The following MMS19 variants were observed in gnomAD, a reference collection of about 807,000 sequenced individuals.
MMS19 encodes the protein MMS19 nucleotide excision repair protein homolog.
A neutral mutation model predicts 129.8 loss-of-function variants in MMS19; 77 were observed. The ratio of observed to expected loss-of-function variants is 0.59; its 90% CI spans 0.49 to 0.72. The LOEUF is 0.72. MMS19 is among the 30% of genes least tolerant of loss of function. The pLI is 0.00. For synonymous variants in MMS19, 491 were observed against 502.8 expected, an observed-to-expected ratio of 0.98 and a Z score of 0.31; for missense variants, 1,168 against 1,266.3, an observed-to-expected ratio of 0.92 and a Z score of 1.18.
At chr10:97,498,483 G>C, upstream of MMS19, 1 of 1,503,106 alleles carries the variant, frequency 6.7e-7, no homozygotes, top group South Asian at 1.2e-5. Context: ...AAGCGCAAGG[G>C]GGCGGGGCGC....
rs759496784 is a variant in MMS19, at chr10:97,461,509, G to T, written c.2298C>A (p.Asn766Lys). The change falls in exon 23 of 31, where the codon AAC becomes AAA. Residue 766 changes from asparagine to lysine, a missense_variant. Asn to Lys is a moderately conservative substitution (Grantham distance 94). Coordinates refer to ENST00000438925, the MANE Select transcript of MMS19 (RefSeq NM_022362.5). ...AAAKCFAGLL[N>K]KHPAGQQLDE... ...TGATCTCAGTACCTGCAGGGTGCTT[G>T]TTGAGGAGTCCTGCAAAGCACTTGG... 1 of 1,606,728 alleles carries T rather than the reference G, an allele frequency of 6.2e-7. No individual in the cohort carries two copies. The highest frequency in any genetic ancestry group is 1.1e-5 in the South Asian group (1 of 89,374).
chr10:97,474,713 A>T (rs1229348171), intron 8 of MMS19, among the ~76,000 whole-genome samples: 5 of 152,222 alleles, frequency 3.3e-5, no homozygotes, highest in African/African-American at 1.2e-4. Flanking sequence ...GTGCAGAACA[A>T]CATACAAAAA....
intron 11 of MMS19, 41 bp from the exon 12 acceptor site, chr10:97,469,145 A>G: frequency 6.5e-7 from 1 of 1,540,888 alleles, no homozygotes; most frequent in East Asian, 2.4e-5. Context: ...GTGAGCCTGC[A>G]CCAGATGAGA....
chr10:97,458,514 A>G lies in MMS19; in HGVS notation c.*178T>C, dbSNP rs1454525855. On this transcript the variant is annotated 3_prime_UTR_variant, in exon 31 of 31. Transcript: ENST00000438925. The stretch of plus-strand genomic sequence containing the variant: ...TCACACACACTTATTTTACAAATCC[A>G]CTAGAAATATGGACTCTTATGTTCT... 1.6e-6 allele frequency: 1 copy of G among 624,634 alleles called. No homozygotes were observed. The highest frequency in any genetic ancestry group is 3.0e-5 in the Admixed American group (1 of 32,916). The allele number at this position is 624,634 out of a possible 1,614,324, so 38.7% of individuals were successfully genotyped here. A position where few individuals can be genotyped will look rare whatever the true frequency, so the allele number is the denominator to read the frequency against.
At position 97,460,624 on chromosome 10, in the gene MMS19, C is replaced by T; in HGVS notation, c.2469+71G>A. 1.1e-5 allele frequency: 14 copies of T among 1,294,998 alleles called. No homozygotes were observed. The South Asian group carries it at 1.8e-4, about 16-fold the overall frequency. 80.2% of individuals were successfully genotyped at this position (1,294,998 alleles called of 1,614,324 possible). On this transcript the variant is annotated intron_variant, in intron 25 of 30. Transcript: ENST00000438925. ...AAACACACAGGGGAGGATGGAAGTC[C>T]TTGGGAGGAATAGGAGCAACCAGAA...
Position 97,462,689 on chromosome 10 carries a change from A to C in MMS19, c.1913-7T>G, listed in dbSNP as rs534370007. 1 of 1,601,542 alleles carries C rather than the reference A, an allele frequency of 6.2e-7. No homozygotes were observed. The highest frequency in any genetic ancestry group is 8.6e-7 in the Non-Finnish European group (1 of 1,168,628). On this transcript the variant is annotated splice_polypyrimidine_tract_variant and splice_region_variant and intron_variant, in intron 19 of 30. Coordinates refer to ENST00000438925, the MANE Select transcript of MMS19 (RefSeq NM_022362.5). ...AGAACTGAGGGCTCCTTCTCTGCAAAACACACACACATGCACACAATCACA... is the reference window on the plus strand; with the variant it reads ...AGAACTGAGGGCTCCTTCTCTGCAACACACACACACATGCACACAATCACA...
chr10:97,485,913 T>C (rs920100723), intron 1 of MMS19, among the ~76,000 whole-genome samples: 1 of 152,182 alleles, frequency 6.6e-6, no homozygotes, highest in East Asian at 1.9e-4. Context: ...GAAAACAGCA[T>C]GGAGGTTTCT....
intron 8 of MMS19, among the ~76,000 whole-genome samples, chr10:97,472,112 G>A (rs2034839173): frequency 6.6e-6 from 1 of 152,204 alleles, no homozygotes; most frequent in Non-Finnish European, 1.5e-5. Flanking sequence ...ACATCACTGT[G>A]AAGTTTCAAT....
chr10:97,485,778 C>G (rs2037735080), intron 1 of MMS19, among the ~76,000 whole-genome samples: 1 of 152,318 alleles, frequency 6.6e-6, no homozygotes. Context: ...AGTGAGATAT[C>G]ACTTCATACC....
At chr10:97,495,834 T>G (rs2039679922) in intron 1 of MMS19, among the ~76,000 whole-genome samples, 2 of 152,248 alleles carry the variant, frequency 1.3e-5, no homozygotes, top group South Asian at 4.1e-4. Flanking sequence ...CAGGCTGGAG[T>G]GCAGGGGCGC....
rs561376280 is a variant in MMS19 at position 97,467,649 on chromosome 10, G to C, written c.1219-66C>G. 32 of 1,450,116 alleles carry C rather than the reference G, an allele frequency of 2.2e-5. 3 individuals are homozygous for C. The African/African-American group carries it at 3.8e-4, about 17-fold the overall frequency. 89.8% of individuals were successfully genotyped at this position (1,450,116 alleles called of 1,614,324 possible). On this transcript the variant is annotated intron_variant, in intron 13 of 30. Coordinates refer to ENST00000438925, the MANE Select transcript of MMS19 (RefSeq NM_022362.5). ...AAAGGATTTCAATCCTGCTACTCTG[G>C]ATATAGGGAAAATTCTTTCTTTCTT... is the stretch of plus-strand genomic sequence containing the variant.
chr10:97,468,690 C>T (rs373400490), intron 12 of MMS19, among the ~76,000 whole-genome samples: 13 of 152,218 alleles, frequency 8.5e-5, no homozygotes, highest in South Asian at 2.1e-4. Context: ...CTCAGCTCAC[C>T]GCAACCTCTG....
chr10:97,488,477 CT>C (rs1384751922), intron 1 of MMS19, among the ~76,000 whole-genome samples: 1 of 152,168 alleles, frequency 6.6e-6, no homozygotes, highest in Admixed American at 6.5e-5. Context: ...ACATGAGAGA[CT>C]GGCTCCAGGA....
At chr10:97,460,281 G>A in intron 25 of MMS19, 49 bp from the exon 26 acceptor site, 1 of 1,560,740 alleles carries the variant, frequency 6.4e-7, no homozygotes, top group Non-Finnish European at 8.8e-7. Flanking sequence ...AGAATCTTAA[G>A]TGCCAAAGAT....
intron 1 of MMS19, 124 bp downstream of exon 1, chr10:97,498,149 T>C (rs1801939374): frequency 1.1e-6 from 1 of 893,004 alleles, no homozygotes; most frequent in Non-Finnish European, 1.7e-6. Flanking sequence ...CGGTGCTCAC[T>C]AACCAGCCTT....
At chr10:97,462,263 T>C in intron 20 of MMS19, 144 bp from the exon 21 acceptor site, 1 of 647,740 alleles carries the variant, frequency 1.5e-6, no homozygotes, top group Non-Finnish European at 2.7e-6. Context: ...ATTGAACAAA[T>C]ATTAATTTGG....
chr10:97,483,041 T>C (rs2037160717), intron 2 of MMS19, among the ~76,000 whole-genome samples: 1 of 152,010 alleles, frequency 6.6e-6, no homozygotes, highest in Non-Finnish European at 1.5e-5. Context: ...ATTACAGGCA[T>C]GAGCCACCGC....
chr10:97,462,926 G>C (rs1053478813), intron 19 of MMS19: 1 of 404,416 alleles, frequency 2.5e-6, no homozygotes, highest in African/African-American at 2.1e-5. Flanking sequence ...CCAACAGTGG[G>C]AAAGAGGGAT....
Position 97,482,971 on chromosome 10 carries a change from A to G in MMS19, c.161+1132T>C, listed in dbSNP as rs530817906. 4.0e-3 allele frequency among the ~76,000 whole-genome samples: 602 copies of G among 152,132 alleles called. 4 individuals are homozygous for G. Among genetic ancestry groups the G allele is most frequent in the Non-Finnish European group, 5.9e-3 (400 of 68,002 alleles). On this transcript the variant is annotated intron_variant, in intron 2 of 30. Coordinates refer to ENST00000438925, the MANE Select transcript of MMS19 (RefSeq NM_022362.5). ...GAGATGGGGTTTCACCGTGCTAGCC[A>G]GGATGGTCTCGATCTCCTGACCTCA...
Sources: allele counts gnomAD v4.1 joint callset (sites outside exome capture counted in the v4.1 genomes callset), GRCh38; gene constraint gnomAD v4.1.1; transcripts MANE v1.5; gene names NCBI Gene and HGNC (gene_info 2026-07-23, HGNC 2026-07-21).